Variants in XRN1 observed in about 807,000 individuals in gnomAD.
The protein encoded by XRN1 is 5'-3' exoribonuclease 1, also known as strand-exchange protein 1 homolog.
A neutral mutation model predicts 222.3 loss-of-function variants in XRN1; 67 were observed. That is an observed-to-expected ratio of 0.30 (90% CI 0.25 to 0.37). The LOEUF (loss-of-function observed/expected upper bound fraction) is 0.37. XRN1 is among the 10% of genes least tolerant of loss of function. The pLI, the probability that XRN1 is intolerant of heterozygous loss-of-function variation, is 1.00. For synonymous variants in XRN1, 643 were observed against 652.4 expected, an observed-to-expected ratio of 0.99 and a Z score of 0.22; for missense variants, 1,707 against 2,000.2, an observed-to-expected ratio of 0.85 and a Z score of 2.80.
Position 142,362,663 on chromosome 3 carries a change from G to A in XRN1, c.3394+2384C>T, listed in dbSNP as rs1452306670. Among the ~76,000 whole-genome samples, 3 of 139,218 alleles carry A rather than the reference G, an allele frequency of 2.2e-5. No individual in the cohort carries two copies. In the East Asian group the frequency reaches 6.4e-4, roughly 30 times the overall value. 91.3% of individuals were successfully genotyped at this position (139,218 alleles called of 152,430 possible). A position where few individuals can be genotyped will look rare whatever the true frequency, so the allele number is the denominator to read the frequency against. Reference sequence around the variant, plus strand: ...TTTTCTTTTTCCTTCCCTCCCTCCTGCTCCGGCCTTTTCTTCTTTTCTTTT... The same window carrying A: ...TTTTCTTTTTCCTTCCCTCCCTCCTACTCCGGCCTTTTCTTCTTTTCTTTT... On this transcript the variant is annotated intron_variant, in intron 29 of 40. Transcript: ENST00000392981.
intron 27 of XRN1, among the ~76,000 whole-genome samples, chr3:142,367,764 C>T (rs1264886945): frequency 6.6e-6 from 1 of 151,918 alleles, no homozygotes; most frequent in African/African-American, 2.4e-5. Context: ...AACTCCTAAC[C>T]TCAAGTGATC....
At chr3:142,373,790 C>A (rs1270300008) in intron 25 of XRN1, among the ~76,000 whole-genome samples, 1 of 151,896 alleles carries the variant, frequency 6.6e-6, no homozygotes, top group Non-Finnish European at 1.5e-5. Flanking sequence ...GGGTTTGAGA[C>A]CAACGTGGTG....
intron 33 of XRN1, among the ~76,000 whole-genome samples, chr3:142,345,302 G>A (rs1217974837): frequency 6.6e-6 from 1 of 152,176 alleles, no homozygotes; most frequent in African/African-American, 2.4e-5. Context: ...TGGGGAAAGA[G>A]TAGTCTTTTT....
intron 20 of XRN1, among the ~76,000 whole-genome samples, chr3:142,384,899 T>C (rs1199674673): frequency 6.6e-6 from 1 of 152,172 alleles, no homozygotes; most frequent in African/African-American, 2.4e-5. Context: ...TGTGATTAAA[T>C]AAGAACTCAT....
chr3:142,426,233 T>G (rs912790714), intron 3 of XRN1, among the ~76,000 whole-genome samples: 3 of 152,198 alleles, frequency 2.0e-5, no homozygotes, highest in African/African-American at 7.2e-5. Context: ...TGTAGAAGTA[T>G]ATAGAGTATG....
In XRN1 at chr3:142,310,549, T is replaced by C. The variant is rs1455796200; in HGVS notation, c.*962A>G. 1 of 152,606 alleles carries C rather than the reference T, an allele frequency of 6.6e-6. No individual in the cohort carries two copies. Among genetic ancestry groups the C allele is most frequent in the Non-Finnish European group, 1.5e-5 (1 of 68,014 alleles). 9.5% of individuals were successfully genotyped at this position (152,606 alleles called of 1,614,324 possible). ...AAACTGATGACTGTGCCTCCTATAT[T>C]GTAGCACACCTTGGAACTTAAACAA... On this transcript the variant is annotated 3_prime_UTR_variant, in exon 41 of 41. Coordinates refer to ENST00000392981, the MANE Select transcript of XRN1 (RefSeq NM_001282857.2).
chr3:142,406,525 A>T (rs1330313659), intron 15 of XRN1, among the ~76,000 whole-genome samples: 2 of 152,128 alleles, frequency 1.3e-5, no homozygotes, highest in Non-Finnish European at 2.9e-5. Context: ...AAAAGGCATA[A>T]ACATTTTTGT....
chr3:142,418,917 G>C, intron 10 of XRN1, 36 bp from the exon 11 acceptor site: 1 of 1,578,788 alleles, frequency 6.3e-7, no homozygotes, highest in Non-Finnish European at 8.7e-7. Flanking sequence ...TGAATGGCAA[G>C]ATACATTTCA....
intron 28 of XRN1, 29 bp from the exon 29 acceptor site, chr3:142,365,208 T>A: frequency 1.3e-6 from 2 of 1,584,126 alleles, no homozygotes; most frequent in Admixed American, 1.9e-5. Context: ...TTAATTATAA[T>A]AAACAAAAAA....
intron 27 of XRN1, among the ~76,000 whole-genome samples, chr3:142,365,678 G>GTATA (rs2066792794): frequency 6.6e-6 from 1 of 151,990 alleles, no homozygotes; most frequent in Non-Finnish European, 1.5e-5. Context: ...AACTATACCT[G>GTATA]GTTCAAGAAA....
At chr3:142,418,702 C>A (rs1192526914) in intron 11 of XRN1, 93 bp from the exon 12 acceptor site, 6 of 1,423,252 alleles carry the variant, frequency 4.2e-6, no homozygotes, top group Non-Finnish European at 5.9e-6. Flanking sequence ...CAAGTTGATG[C>A]TTATATGCTA....
intron 13 of XRN1, among the ~76,000 whole-genome samples, chr3:142,415,640 G>A (rs1448610046): frequency 6.6e-6 from 1 of 152,172 alleles, no homozygotes; most frequent in Non-Finnish European, 1.5e-5. Flanking sequence ...TTCTTCATGA[G>A]ATTGCTCCTC....
chr3:142,417,367 A>G, intron 12 of XRN1, 138 bp from the exon 13 acceptor site: 2 of 683,156 alleles, frequency 2.9e-6, no homozygotes, highest in Admixed American at 3.0e-5. Context: ...GCTAAAAATT[A>G]TAATCCTAAA....
chr3:142,372,026 C>G (rs180705636), intron 25 of XRN1, among the ~76,000 whole-genome samples: 1 of 152,258 alleles, frequency 6.6e-6, no homozygotes, highest in Admixed American at 6.5e-5. Flanking sequence ...ACAGAACACT[C>G]TGAAAAAGCT....
Position 142,374,324 on chromosome 3 carries a change from T to C in XRN1, c.2978+1474A>G, listed in dbSNP as rs1451008562. Among the ~76,000 whole-genome samples the C allele has an allele frequency of 2.0e-5, 3 of 152,128 alleles. No individual in the cohort carries two copies. In the East Asian group the frequency reaches 5.8e-4, roughly 29 times the overall value. On this transcript the variant is annotated intron_variant, in intron 25 of 40. Coordinates refer to ENST00000392981, the MANE Select transcript of XRN1 (RefSeq NM_001282857.2). ...AACTGAAGCAGGAAGACACAGGTTT[T>C]AAAAGAAGTCTCCAAGAGAAAAATG...
At chr3:142,322,408 C>T (rs536874384) in intron 37 of XRN1, among the ~76,000 whole-genome samples, 11 of 152,218 alleles carry the variant, frequency 7.2e-5, no homozygotes, top group South Asian at 6.2e-4. Context: ...AGATGATGGT[C>T]GGGCGCAGTG....
rs780704351 is a variant in XRN1 at position 142,311,563 on chromosome 3, CT to C, written c.5032del (p.Arg1678GlufsTer22). On this transcript the variant is annotated frameshift_variant, in exon 41 of 41. Coordinates refer to ENST00000392981, the MANE Select transcript of XRN1 (RefSeq NM_001282857.2). LOFTEE classifies it high-confidence loss of function. ...ATTAACAGCCAGTTTTCTTGATTTT[CT>C]TCTTGAAGAAGAGATTGGTGTTGAC... ...HKSTPISSSR[R>X]KSRKLAVNFG... is the part of the protein sequence containing the mutation. The C allele has an allele frequency of 1.9e-5, 30 of 1,610,808 alleles. No individual in the cohort carries two copies. The highest frequency in any genetic ancestry group is 2.5e-5 in the Non-Finnish European group (29 of 1,178,020).
intron 1 of XRN1, among the ~76,000 whole-genome samples, chr3:142,445,911 C>T (rs531499511): frequency 9.2e-5 from 14 of 152,276 alleles, no homozygotes; most frequent in African/African-American, 2.4e-4. Context: ...TAGTGGATAC[C>T]GCTGGCTATT....
At position 142,391,747 on chromosome 3, in the gene XRN1, AAAATAT is replaced by A. The variant is rs1299014602; in HGVS notation, c.2339+5576_2339+5581del. 5.8e-3 allele frequency among the ~76,000 whole-genome samples: 626 copies of A among 108,358 alleles called. 4 individuals carry two copies. The highest frequency in any genetic ancestry group is 8.7e-3 in the Non-Finnish European group (451 of 51,754). 71.1% of individuals were successfully genotyped at this position (108,358 alleles called of 152,430 possible). On this transcript the variant is annotated intron_variant, in intron 20 of 40. Coordinates refer to ENST00000392981, the MANE Select transcript of XRN1 (RefSeq NM_001282857.2). ...AGACCCCGTCTCACTAAAAAAAAAAAAAATATATATATATATATATATATATATGAA... is the reference window on the plus strand; with the variant it reads ...AGACCCCGTCTCACTAAAAAAAAAAAATATATATATATATATATATATGAA...
Sources: gnomAD v4.1 joint callset for allele counts (sites outside exome capture counted in the v4.1 genomes callset) on GRCh38, gnomAD v4.1.1 for gene constraint, MANE v1.5 for transcripts, NCBI Gene and HGNC (gene_info 2026-07-23, HGNC 2026-07-21) for gene names.